Variants in STAT4 observed in about 807,000 individuals in gnomAD.
STAT4 encodes signal transducer and activator of transcription 4.
STAT4 carries 42 observed loss-of-function variants against 110.5 expected under a neutral mutation model. The ratio of observed to expected loss-of-function variants is 0.38; its 90% CI spans 0.30 to 0.49. The LOEUF is 0.49. Ranked by LOEUF, STAT4 falls within the 20% of genes least tolerant of loss-of-function variation. The probability of loss-of-function intolerance (pLI) is 0.95; values close to 1 mark genes in which losing one functional copy is unlikely to be tolerated. For synonymous variants in STAT4, 284 were observed against 302.2 expected (o/e 0.94, Z 0.63); for missense variants, 632 against 887.9 (o/e 0.71, Z 3.66).
chr2:191,045,538 G>A (rs186984880), intron 14 of STAT4, among the ~76,000 whole-genome samples: 4 of 152,174 alleles, frequency 2.6e-5, no homozygotes, highest in Non-Finnish European at 4.4e-5. Context: ...AAGTCAGGGT[G>A]GGGGGTTGGA....
chr2:191,111,500 A>T (rs1698420755), intron 3 of STAT4, among the ~76,000 whole-genome samples: 1 of 152,198 alleles, frequency 6.6e-6, no homozygotes, highest in Non-Finnish European at 1.5e-5. Flanking sequence ...CACTTGATTC[A>T]TGCAAAAATG....
In STAT4 at chr2:191,117,108, C is replaced by T. The variant is rs143238797; in HGVS notation, c.273+29505G>A. 5.9e-3 allele frequency among the ~76,000 whole-genome samples: 893 copies of T among 152,200 alleles called. 6 individuals carry two copies. The highest frequency in any genetic ancestry group is 0.01 in the Middle Eastern group (3 of 294). On this transcript the variant is annotated intron_variant, in intron 3 of 23. Transcript: ENST00000392320. This position sits in a 1 kb window ranked among gnomAD's most constrained non-coding sequence, Gnocchi z 5.2. Reference sequence around the variant, plus strand: ...GCTGCGCATGGCTAATTTTCAAATGCGTCATTAGGGATTCTAATAAAGCAG... The same window carrying T: ...GCTGCGCATGGCTAATTTTCAAATGTGTCATTAGGGATTCTAATAAAGCAG...
chr2:191,043,940 T>G lies in STAT4; in HGVS notation c.1252-2792A>C, dbSNP rs1696277554. Among the ~76,000 whole-genome samples, 1 of 133,402 alleles carries G rather than the reference T, an allele frequency of 7.5e-6. No individual in the cohort carries two copies. The highest frequency in any genetic ancestry group is 9.2e-5 in the Admixed American group (1 of 10,818). 87.5% of individuals were successfully genotyped at this position (133,402 alleles called of 152,430 possible). A position where few individuals can be genotyped will look rare whatever the true frequency, so the allele number is the denominator to read the frequency against. ...AACATATTCATTCATAGAAAAAGTA[T>G]AAAGGCATTCTTGAAAACAATAAAC... On this transcript the variant is annotated intron_variant, in intron 14 of 23. Transcript: ENST00000392320. The surrounding 1 kb of genome is among the most constrained non-coding windows in gnomAD (Gnocchi z 4.8).
intron 13 of STAT4, among the ~76,000 whole-genome samples, chr2:191,057,581 C>CTTTTTTTTTTTTTTTTTTTTT (rs56816363): frequency 1.6e-5 from 2 of 121,330 alleles, no homozygotes; most frequent in Non-Finnish European, 3.4e-5. Context: ...AATTTCTTTT[C>CTTTTTTTTTTTTTTTTTTTTT]TTTTTTTTTT....
intron 5 of STAT4, 59 bp from the exon 6 acceptor site, chr2:191,069,830 A>T: frequency 2.9e-6 from 4 of 1,375,384 alleles, no homozygotes. Flanking sequence ...TCAATCAAAC[A>T]ACATCATAAG....
chr2:191,114,118 G>A (rs186315867), intron 3 of STAT4, among the ~76,000 whole-genome samples: 1 of 152,250 alleles, frequency 6.6e-6, no homozygotes. Context: ...CCTGAATTGT[G>A]GTAGAGACAG....
chr2:191,123,463 A>T (rs780748493), intron 3 of STAT4, among the ~76,000 whole-genome samples: 15 of 152,096 alleles, frequency 9.9e-5, no homozygotes, highest in Admixed American at 5.9e-4. Flanking sequence ...TTCTGGTCCC[A>T]TCCAGCCTGA....
chr2:191,146,822 T>C lies in STAT4; in HGVS notation c.129-65A>G. ...TTGTAAAATGTCTACTTTTTTACCA[T>C]ACTAACTTTAAAACAATAAACCTAT... On this transcript the variant is annotated intron_variant, in intron 2 of 23. Coordinates refer to ENST00000392320, the MANE Select transcript of STAT4 (RefSeq NM_003151.4). The surrounding 1 kb of genome is among the most constrained non-coding windows in gnomAD (Gnocchi z 4.5). 1 of 1,403,956 alleles carries C rather than the reference T, an allele frequency of 7.1e-7. No individual in the cohort carries two copies. The highest frequency in any genetic ancestry group is 9.4e-7 in the Non-Finnish European group (1 of 1,067,012). 87.0% of individuals were successfully genotyped at this position (1,403,956 alleles called of 1,614,324 possible). A position where few individuals can be genotyped will look rare whatever the true frequency, so the allele number is the denominator to read the frequency against.
intron 18 of STAT4, among the ~76,000 whole-genome samples, chr2:191,034,239 G>A (rs954344523): frequency 2.0e-5 from 3 of 152,104 alleles, no homozygotes; most frequent in East Asian, 1.9e-4. Context: ...TGACTAACAC[G>A]GTGAAACCCC....
rs1434092827 is a variant in STAT4 at position 191,035,917 on chromosome 2, G to C, written c.1570+247C>G. On this transcript the variant is annotated intron_variant, in intron 17 of 23. Transcript: ENST00000392320. The surrounding 1 kb of genome is among the most constrained non-coding windows in gnomAD (Gnocchi z 4.7). Reference sequence around the variant, plus strand: ...GCTGTGTACTAGCCATGCAGCCGTGGCAAGTCACTTGACTTCTGCACTCCA... The same window carrying C: ...GCTGTGTACTAGCCATGCAGCCGTGCCAAGTCACTTGACTTCTGCACTCCA... Among the ~76,000 whole-genome samples, 4 of 152,198 alleles carry C rather than the reference G, an allele frequency of 2.6e-5. No homozygotes were observed. The highest frequency in any genetic ancestry group is 6.5e-5 in the Admixed American group (1 of 15,268).
At position 191,029,605 on chromosome 2, in the gene STAT4, T is replaced by G; in HGVS notation, c.*235A>C. 1 of 513,288 alleles carries G rather than the reference T, an allele frequency of 1.9e-6. No homozygotes were observed. The highest frequency in any genetic ancestry group is 3.4e-6 in the Non-Finnish European group (1 of 295,938). 31.8% of individuals were successfully genotyped at this position (513,288 alleles called of 1,614,324 possible). The stretch of plus-strand genomic sequence containing the variant: ...CTGTTAATATTGTTATTAACACTGG[T>G]TTCTTAAAGTTGTCTTATCTTGCAA... On this transcript the variant is annotated 3_prime_UTR_variant, in exon 24 of 24. Coordinates refer to ENST00000392320, the MANE Select transcript of STAT4 (RefSeq NM_003151.4). This position sits in a 1 kb window ranked among gnomAD's most constrained non-coding sequence, Gnocchi z 4.5.
Position 191,077,563 on chromosome 2 carries a change from A to G in STAT4, c.274-1238T>C, listed in dbSNP as rs1408438165. Reference sequence around the variant, plus strand: ...CAGAAAAAATAAAACAAAAATCCACAAAGTGGAAAATTAACAATAAAAAAT... The same window carrying G: ...CAGAAAAAATAAAACAAAAATCCACGAAGTGGAAAATTAACAATAAAAAAT... On this transcript the variant is annotated intron_variant, in intron 3 of 23. Coordinates refer to ENST00000392320, the MANE Select transcript of STAT4 (RefSeq NM_003151.4). This position sits in a 1 kb window ranked among gnomAD's most constrained non-coding sequence, Gnocchi z 4.1. 1.3e-5 allele frequency among the ~76,000 whole-genome samples: 2 copies of G among 152,218 alleles called. No homozygotes were observed. Among genetic ancestry groups the G allele is most frequent in the African/African-American group, 2.4e-5 (1 of 41,468 alleles).
rs145504551 is a variant in STAT4, at chr2:191,146,310, G to A, written c.273+303C>T. Among the ~76,000 whole-genome samples, 54 of 152,278 alleles carry A rather than the reference G, an allele frequency of 3.5e-4. No individual in the cohort carries two copies. The highest frequency in any genetic ancestry group is 3.4e-3 in the Middle Eastern group (1 of 294). ...GGCAAGGGAGGGCTGCTGGAGAGCC[G>A]TGAAACTGTGGTCTGGTCAGTGTTG... On this transcript the variant is annotated intron_variant, in intron 3 of 23. Coordinates refer to ENST00000392320, the MANE Select transcript of STAT4 (RefSeq NM_003151.4). The surrounding 1 kb of genome is among the most constrained non-coding windows in gnomAD (Gnocchi z 4.5).
At chr2:191,079,754 T>A (rs1697411797) in intron 3 of STAT4, among the ~76,000 whole-genome samples, 1 of 152,098 alleles carries the variant, frequency 6.6e-6, no homozygotes, top group Non-Finnish European at 1.5e-5. Flanking sequence ...ATTTATCTTT[T>A]TTTTACAGAT....
rs1695955146 is a variant in STAT4, at chr2:191,033,362, A to G, written c.1852+128T>C. The G allele has an allele frequency of 1.6e-6, 2 of 1,218,006 alleles. No homozygotes were observed. The highest frequency in any genetic ancestry group is 5.7e-5 in the Admixed American group (2 of 35,388). 75.4% of individuals were successfully genotyped at this position (1,218,006 alleles called of 1,614,324 possible). ...ACCCTGTTCTGAGACAACTGCAACT[A>G]CTAATATTCAAGCCCACTGAATACA... On this transcript the variant is annotated intron_variant, in intron 20 of 23. Coordinates refer to ENST00000392320, the MANE Select transcript of STAT4 (RefSeq NM_003151.4). This position sits in a 1 kb window ranked among gnomAD's most constrained non-coding sequence, Gnocchi z 6.9.
Position 191,140,847 on chromosome 2 carries a change from T to C in STAT4, c.273+5766A>G, listed in dbSNP as rs970614702. On this transcript the variant is annotated intron_variant, in intron 3 of 23. Coordinates refer to ENST00000392320, the MANE Select transcript of STAT4 (RefSeq NM_003151.4). This position sits in a 1 kb window ranked among gnomAD's most constrained non-coding sequence, Gnocchi z 4.4. ...GATAAGGAACCAACCTAAGTGTCCA[T>C]CAACCAATGAGTAGATAAAGAAAAT... is the stretch of plus-strand genomic sequence containing the variant. 5.3e-5 allele frequency among the ~76,000 whole-genome samples: 8 copies of C among 152,176 alleles called. No homozygotes were observed. Among genetic ancestry groups the C allele is most frequent in the East Asian group, 1.9e-4 (1 of 5,208 alleles).
Position 191,035,108 on chromosome 2 carries a change from C to T in STAT4, c.1571-511G>A, listed in dbSNP as rs1389674358. 6.6e-6 allele frequency among the ~76,000 whole-genome samples: 1 copy of T among 152,078 alleles called. No homozygotes were observed. The highest frequency in any genetic ancestry group is 1.5e-5 in the Non-Finnish European group (1 of 68,012). On this transcript the variant is annotated intron_variant, in intron 17 of 23. Coordinates refer to ENST00000392320, the MANE Select transcript of STAT4 (RefSeq NM_003151.4). This position sits in a 1 kb window ranked among gnomAD's most constrained non-coding sequence, Gnocchi z 4.7. Reference sequence around the variant, plus strand: ...GATAGTAGCCATTGGCTGTTTTGATCCAGAGCAGTGAAAGGATGCAAGAGT... The same window carrying T: ...GATAGTAGCCATTGGCTGTTTTGATTCAGAGCAGTGAAAGGATGCAAGAGT...
intron 8 of STAT4, among the ~76,000 whole-genome samples, chr2:191,064,330 A>G (rs1696926691): frequency 6.6e-6 from 1 of 152,234 alleles, no homozygotes; most frequent in South Asian, 2.1e-4. Flanking sequence ...ATAAATTGTT[A>G]TTAACTACAG....
chr2:191,131,877 CTG>C, intron 3 of STAT4: 1 of 1,458,288 alleles, frequency 6.9e-7, no homozygotes, highest in South Asian at 1.5e-5. Flanking sequence ...CCAAGGGCAG[CTG>C]TGCTGTAGCC....
Sources: allele counts gnomAD v4.1 joint callset (sites outside exome capture counted in the v4.1 genomes callset), GRCh38; gene constraint gnomAD v4.1.1; non-coding constraint Gnocchi (gnomAD v3.1); transcripts MANE v1.5; gene names NCBI Gene and HGNC (gene_info 2026-07-23, HGNC 2026-07-21).